The following VGLL3 variants were observed in gnomAD, a reference collection of about 807,000 sequenced individuals.
The protein encoded by VGLL3 is transcription cofactor vestigial-like protein 3.
In VGLL3, 18 loss-of-function variants were observed where a neutral mutation model predicts 29.2. That is an observed-to-expected ratio of 0.62 (90% CI 0.43 to 0.91). The LOEUF (loss-of-function observed/expected upper bound fraction) is 0.91. Ranked by LOEUF, VGLL3 falls within the 40% of genes least tolerant of loss-of-function variation. The pLI is 0.00. For missense variants in VGLL3, 440 were observed against 413.2 expected, an observed-to-expected ratio of 1.06 and a Z score of -0.56; for synonymous variants, 180 against 151.8, an observed-to-expected ratio of 1.19 and a Z score of -1.36.
At chr3:86,990,259 C>T in intron 1 of VGLL3, 1 of 968,286 alleles carries the variant, frequency 1.0e-6, no homozygotes, top group South Asian at 4.8e-5. Flanking sequence ...TTCCATCTTT[C>T]CAAATAAACA....
chr3:86,983,217 G>A (rs1431427696), intron 1 of VGLL3, among the ~76,000 whole-genome samples: 1 of 152,092 alleles, frequency 6.6e-6, no homozygotes, highest in Non-Finnish European at 1.5e-5. Flanking sequence ...TTTAGAAACA[G>A]ATTTAAAAAT....
chr3:86,956,587 T>C lies in VGLL3; in HGVS notation c.938-9520A>G, dbSNP rs143982006. 9.0e-3 allele frequency among the ~76,000 whole-genome samples: 1,371 copies of C among 151,966 alleles called. 14 individuals carry two copies. The highest frequency in any genetic ancestry group is 0.015 in the Non-Finnish European group (1,029 of 67,946). On this transcript the variant is annotated intron_variant, in intron 3 of 3. Coordinates refer to ENST00000398399, the MANE Select transcript of VGLL3 (RefSeq NM_016206.4). Reference sequence around the variant, plus strand: ...GGATCACGAGGTCAGGAGATCGAGATCATCCTGGCTAGCACGGTGAAACCC... The same window carrying C: ...GGATCACGAGGTCAGGAGATCGAGACCATCCTGGCTAGCACGGTGAAACCC...
At position 86,981,149 on chromosome 3, in the gene VGLL3, G is replaced by T. The variant is rs142683729; in HGVS notation, c.127-2347C>A. On this transcript the variant is annotated intron_variant, in intron 1 of 3. Transcript: ENST00000398399. ...TATATGTAAAGGATTTGAAGGCCAT[G>T]AATCCTGATACAAACGTCAAATAGT... Among the ~76,000 whole-genome samples, 507 of 152,168 alleles carry T rather than the reference G, an allele frequency of 3.3e-3. 2 individuals are homozygous for T. Among genetic ancestry groups the T allele is most frequent in the African/African-American group, 0.012 (484 of 41,532 alleles).
chr3:86,968,418 G>A (rs746415229), intron 3 of VGLL3, among the ~76,000 whole-genome samples, 172 bp downstream of exon 3: 19 of 152,220 alleles, frequency 1.2e-4, no homozygotes, highest in Non-Finnish European at 1.5e-4. Context: ...TCATGAGCTA[G>A]TCATACCAGT....
At chr3:86,960,932 GATATATATATATATATATATATAT>G (rs57744873) in intron 3 of VGLL3, among the ~76,000 whole-genome samples, 2 of 137,938 alleles carry the variant, frequency 1.4e-5, no homozygotes, top group Non-Finnish European at 3.1e-5. Context: ...AAGTAATTGT[GATATATATATATATATATATATAT>G]ATATATATAT....
intron 1 of VGLL3, among the ~76,000 whole-genome samples, chr3:86,980,772 T>C (rs2107056670): frequency 6.6e-6 from 1 of 152,192 alleles, no homozygotes; most frequent in African/African-American, 2.4e-5. Flanking sequence ...CTAAAACATG[T>C]ATTGTTTTAA....
intron 2 of VGLL3, among the ~76,000 whole-genome samples, chr3:86,970,665 G>A (rs772883643): frequency 1.3e-5 from 2 of 152,110 alleles, no homozygotes; most frequent in Non-Finnish European, 1.5e-5. Context: ...TTCTGAGGTG[G>A]CAGGGTCTCA....
rs1279625410 is a variant in VGLL3, at chr3:86,968,707, C to G, written c.820G>C (p.Ala274Pro). Residue 274 changes from alanine (A) to proline (P), a missense_variant, in exon 3 of 4, where the codon GCT (alanine) becomes CCT (proline). Ala to Pro is a conservative substitution (Grantham distance 27). Transcript: ENST00000398399. ...GTCTTTGTGATGTCACACTGGGGAG[C>G]AGGAATCCTGGCCGCATGCACTGAA... ...MPSVHAARIPAPQCDITKTEP... is the reference protein window; with the variant it reads ...MPSVHAARIPPPQCDITKTEP... 21 of 1,613,998 alleles carry G rather than the reference C, an allele frequency of 1.3e-5. No individual in the cohort carries two copies. The highest frequency in any genetic ancestry group is 1.7e-5 in the Non-Finnish European group (20 of 1,180,040).
At chr3:86,986,381 T>C (rs922230603) in intron 1 of VGLL3, among the ~76,000 whole-genome samples, 3 of 152,172 alleles carry the variant, frequency 2.0e-5, no homozygotes, top group Non-Finnish European at 4.4e-5. Flanking sequence ...TAATCTCGAT[T>C]CTGGTTGACT....
At chr3:86,953,635 C>T (rs947205893) in intron 3 of VGLL3, among the ~76,000 whole-genome samples, 23 of 152,002 alleles carry the variant, frequency 1.5e-4, no homozygotes, top group African/African-American at 4.6e-4. Context: ...TTAAAAGTAT[C>T]TAGTTGTTTC....
chr3:86,986,198 A>C (rs527635972), intron 1 of VGLL3, among the ~76,000 whole-genome samples: 1 of 152,166 alleles, frequency 6.6e-6, no homozygotes, highest in East Asian at 1.9e-4. Flanking sequence ...GCTTTGTGAG[A>C]TGTGAAATTT....
At chr3:86,987,975 A>G (rs1165219552) in intron 1 of VGLL3, among the ~76,000 whole-genome samples, 1 of 152,216 alleles carries the variant, frequency 6.6e-6, no homozygotes, top group Non-Finnish European at 1.5e-5. Flanking sequence ...TGTTATTTCC[A>G]AAATAATTCT....
At chr3:86,961,431 C>T (rs367734013) in intron 3 of VGLL3, among the ~76,000 whole-genome samples, 24 of 152,094 alleles carry the variant, frequency 1.6e-4, no homozygotes, top group African/African-American at 5.8e-4. Context: ...AGAATGACAA[C>T]ATTTCACTAA....
intron 3 of VGLL3, among the ~76,000 whole-genome samples, chr3:86,966,784 T>C (rs1302230510): frequency 3.1e-5 from 2 of 65,242 alleles, no homozygotes; most frequent in Admixed American, 3.2e-4. Context: ...TATATATATA[T>C]ATATATATAT....
At chr3:86,975,744 A>G (rs1239164093) in intron 2 of VGLL3, among the ~76,000 whole-genome samples, 7 of 152,292 alleles carry the variant, frequency 4.6e-5, no homozygotes, top group Middle Eastern at 6.8e-3. Flanking sequence ...ACTTAGTGGG[A>G]TAATAGGAGA....
At chr3:86,984,502 A>C (rs1014697668) in intron 1 of VGLL3, among the ~76,000 whole-genome samples, 3 of 152,206 alleles carry the variant, frequency 2.0e-5, no homozygotes, top group African/African-American at 7.2e-5. Context: ...CGATTTCAAA[A>C]TTTACATTCC....
At chr3:86,963,353 A>C (rs1365360992) in intron 3 of VGLL3, among the ~76,000 whole-genome samples, 11 of 152,242 alleles carry the variant, frequency 7.2e-5, no homozygotes, top group Admixed American at 2.0e-4. Flanking sequence ...CATATCATAT[A>C]ATTCCATTTG....
At chr3:86,948,287 T>A (rs1225394229) in intron 3 of VGLL3, among the ~76,000 whole-genome samples, 1 of 152,208 alleles carries the variant, frequency 6.6e-6, no homozygotes, top group Non-Finnish European at 1.5e-5. Context: ...GCTTGACCTT[T>A]GATCTGAAAC....
intron 1 of VGLL3, chr3:86,990,151 A>G: frequency 9.8e-6 from 2 of 203,668 alleles, no homozygotes; most frequent in Non-Finnish European, 1.7e-5. Context: ...GTGTTCCCCC[A>G]TGAAAGTCCC....
Sources: gnomAD v4.1 joint callset for allele counts (sites outside exome capture counted in the v4.1 genomes callset) on GRCh38, gnomAD v4.1.1 for gene constraint, MANE v1.5 for transcripts, NCBI Gene and HGNC (gene_info 2026-07-23, HGNC 2026-07-21) for gene names.